Variants in BCAS3 observed in about 807,000 individuals in gnomAD.
BCAS3 encodes the protein BCAS3 microtubule associated cell migration factor.
In BCAS3, 53 loss-of-function variants were observed where a neutral mutation model predicts 116.1. That is an observed-to-expected ratio of 0.46 (90% confidence interval 0.37 to 0.57). The LOEUF (loss-of-function observed/expected upper bound fraction) is 0.57. BCAS3 is among the 20% of genes least tolerant of loss of function. The probability of loss-of-function intolerance (pLI) is 0.00; values close to 1 mark genes in which losing one functional copy is unlikely to be tolerated. For synonymous variants in BCAS3, 391 were observed against 408.2 expected, an observed-to-expected ratio of 0.96 and a Z score of 0.51; for missense variants, 917 against 1,165.4, an observed-to-expected ratio of 0.79 and a Z score of 3.10.
chr17:61,013,796 A>G lies in BCAS3; in HGVS notation c.1487-1955A>G, dbSNP rs982500125. On this transcript the variant is annotated intron_variant, in intron 15 of 23. Coordinates refer to ENST00000407086, the MANE Select transcript of BCAS3 (RefSeq NM_017679.5). This position sits in a 1 kb window ranked among gnomAD's most constrained non-coding sequence, Gnocchi z 4.4. ...TAGTTCTATAGAGTAATATAAAAGG[A>G]TAGATTTGTGTCCAAGGAAGAAGTA... 6.6e-6 allele frequency among the ~76,000 whole-genome samples: 1 copy of G among 152,144 alleles called. No homozygotes were observed. Among genetic ancestry groups the G allele is most frequent in the Admixed American group, 6.6e-5 (1 of 15,266 alleles).
At position 61,278,053 on chromosome 17, in the gene BCAS3, G is replaced by T. The variant is rs976885648; in HGVS notation, c.2426-90274G>T. ...GGTTTGTTTTGTTTTGTTTTGTTTT[G>T]TTTGACGGAGTCACACTGTGTAGCC... On this transcript the variant is annotated intron_variant, in intron 22 of 23. Coordinates refer to ENST00000407086, the MANE Select transcript of BCAS3 (RefSeq NM_017679.5). The surrounding 1 kb of genome is among the most constrained non-coding windows in gnomAD (Gnocchi z 5.8). Among the ~76,000 whole-genome samples, 1 of 152,092 alleles carries T rather than the reference G, an allele frequency of 6.6e-6. No homozygotes were observed. The highest frequency in any genetic ancestry group is 1.5e-5 in the Non-Finnish European group (1 of 68,008).
intron 5 of BCAS3, among the ~76,000 whole-genome samples, chr17:60,745,831 A>G (rs918276321): frequency 6.6e-6 from 1 of 152,144 alleles, no homozygotes. Context: ...TCATAAGCAA[A>G]ATGAATGTGA....
Position 61,095,069 on chromosome 17 carries a change from A to T in BCAS3, c.2425+10505A>T, listed in dbSNP as rs2073877990. 6.6e-6 allele frequency among the ~76,000 whole-genome samples: 1 copy of T among 152,238 alleles called. No individual in the cohort carries two copies. Among genetic ancestry groups the T allele is most frequent in the Non-Finnish European group, 1.5e-5 (1 of 68,036 alleles). ...TGAAAGTTAATTGATATAGTTTCAG[A>T]TTCCACATTGCAACTAATTTGTTAA... On this transcript the variant is annotated intron_variant, in intron 22 of 23. Transcript: ENST00000407086. The surrounding 1 kb of genome is among the most constrained non-coding windows in gnomAD (Gnocchi z 4.7).
Position 61,366,790 on chromosome 17 carries a change from C to T in BCAS3, c.2426-1537C>T, listed in dbSNP as rs2143498914. On this transcript the variant is annotated intron_variant, in intron 22 of 23. Coordinates refer to ENST00000407086, the MANE Select transcript of BCAS3 (RefSeq NM_017679.5). This position sits in a 1 kb window ranked among gnomAD's most constrained non-coding sequence, Gnocchi z 4.5. ...CTCCCAGTGCCAGGAATCTTCCCTA[C>T]AATTAGGTACGAGATAAATCAAAGC... Among the ~76,000 whole-genome samples the T allele has an allele frequency of 6.6e-6, 1 of 152,316 alleles. No individual in the cohort carries two copies. The highest frequency in any genetic ancestry group is 2.4e-5 in the African/African-American group (1 of 41,554).
At chr17:61,384,182 C>T (rs565139250) in intron 23 of BCAS3, among the ~76,000 whole-genome samples, 20 of 152,364 alleles carry the variant, frequency 1.3e-4, no homozygotes, top group African/African-American at 4.6e-4. Flanking sequence ...ACCTGCCATG[C>T]CCCTCGGCAC....
At chr17:61,163,756 G>A (rs925279363) in intron 22 of BCAS3, among the ~76,000 whole-genome samples, 3 of 151,988 alleles carry the variant, frequency 2.0e-5, no homozygotes, top group African/African-American at 7.3e-5. Context: ...GGAGGCCAAG[G>A]TGGGCAGATC....
intron 6 of BCAS3, among the ~76,000 whole-genome samples, chr17:60,806,531 G>A (rs1261982652): frequency 2.0e-5 from 3 of 151,734 alleles, no homozygotes; most frequent in Non-Finnish European, 4.4e-5. Context: ...TCATGTGTGA[G>A]GTTGAGCATT....
At chr17:60,686,789 G>C (rs1433968461) in intron 3 of BCAS3, among the ~76,000 whole-genome samples, 1 of 152,132 alleles carries the variant, frequency 6.6e-6, no homozygotes, top group East Asian at 1.9e-4. Context: ...GCCTCGCAAA[G>C]TTCTGGGATT....
At chr17:61,375,778 G>A (rs994690684) in intron 23 of BCAS3, among the ~76,000 whole-genome samples, 1 of 151,940 alleles carries the variant, frequency 6.6e-6, no homozygotes, top group African/African-American at 2.4e-5. Context: ...TCACCATGTT[G>A]GCCAGGCTGA....
Position 61,118,258 on chromosome 17 carries a change from C to T in BCAS3, c.2425+33694C>T, listed in dbSNP as rs1391956846. ...CTACTGTTACCACCCAATCAGGTTA[C>T]TACTTGGGAGAGATGGAAGTCCCGG... On this transcript the variant is annotated intron_variant, in intron 22 of 23. Transcript: ENST00000407086. This position sits in a 1 kb window ranked among gnomAD's most constrained non-coding sequence, Gnocchi z 5.0. 6.6e-6 allele frequency among the ~76,000 whole-genome samples: 1 copy of T among 152,154 alleles called. No individual in the cohort carries two copies. Among genetic ancestry groups the T allele is most frequent in the Non-Finnish European group, 1.5e-5 (1 of 68,022 alleles).
chr17:60,725,063 G>A (rs973921479), intron 5 of BCAS3, among the ~76,000 whole-genome samples: 22 of 152,042 alleles, frequency 1.4e-4, no homozygotes, highest in Middle Eastern at 3.2e-3. Flanking sequence ...ATTATGTTAC[G>A]CAGGCTGGCC....
rs869090870 is a variant in BCAS3 at position 61,059,063 on chromosome 17, C to CTTTTTTTTTTTTTTTTTTTTTTTTT, written c.2030-15844_2030-15820dup. Among the ~76,000 whole-genome samples the CTTTTTTTTTTTTTTTTTTTTTTTTT allele has an allele frequency of 4.0e-4, 13 of 32,780 alleles. 3 individuals are homozygous for CTTTTTTTTTTTTTTTTTTTTTTTTT. The highest frequency in any genetic ancestry group is 5.0e-4 in the Non-Finnish European group (8 of 15,842). 21.5% of individuals were successfully genotyped at this position (32,780 alleles called of 152,430 possible). Reference sequence around the variant, plus strand: ...TCCCCGAACTCTTTTTTCTCCCCATCTTTTTTTTTTTTTTTTTTTTTTTTT... The same window carrying CTTTTTTTTTTTTTTTTTTTTTTTTT: ...TCCCCGAACTCTTTTTTCTCCCCATCTTTTTTTTTTTTTTTTTTTTTTTTTTTTTTTTTTTTTTTTTTTTTTTTTT... On this transcript the variant is annotated intron_variant, in intron 19 of 23. Coordinates refer to ENST00000407086, the MANE Select transcript of BCAS3 (RefSeq NM_017679.5).
intron 6 of BCAS3, among the ~76,000 whole-genome samples, chr17:60,766,401 T>C (rs1383964901): frequency 6.6e-6 from 1 of 152,188 alleles, no homozygotes; most frequent in Admixed American, 6.5e-5. Flanking sequence ...TTGTTGATGT[T>C]GATGCTATTT....
chr17:60,828,361 A>G (rs1391197860), intron 7 of BCAS3, among the ~76,000 whole-genome samples: 1 of 152,196 alleles, frequency 6.6e-6, no homozygotes, highest in African/African-American at 2.4e-5. Flanking sequence ...GAGAACCATG[A>G]CAGTTTCTAC....
intron 14 of BCAS3, among the ~76,000 whole-genome samples, chr17:60,982,599 G>A (rs1163661363): frequency 6.6e-6 from 1 of 152,108 alleles, no homozygotes; most frequent in African/African-American, 2.4e-5. Context: ...TCTCTCTACT[G>A]TGGAGAATCT....
Position 60,818,096 on chromosome 17 carries a change from C to G in BCAS3, c.476+10020C>G, listed in dbSNP as rs1032919512. ...TCTTGAACTCCTGGGCTCAAGTGAT[C>G]CATCCGCCTTGGCCTCCCAAGGTGC... On this transcript the variant is annotated intron_variant, in intron 7 of 23. Transcript: ENST00000407086. 7.2e-5 allele frequency among the ~76,000 whole-genome samples: 11 copies of G among 152,094 alleles called. 1 individual carries two copies. Among genetic ancestry groups the G allele is most frequent in the Admixed American group, 3.9e-4 (6 of 15,256 alleles).
At position 61,368,270 on chromosome 17, in the gene BCAS3, A is replaced by G. The variant is rs1603101799; in HGVS notation, c.2426-57A>G. ...GAGGAGCGGGTGGGAGGTAGACAAG[A>G]ATGGCCTGCTCCCTGAAGGTGTGGA... On this transcript the variant is annotated intron_variant, in intron 22 of 23. Transcript: ENST00000407086. This position sits in a 1 kb window ranked among gnomAD's most constrained non-coding sequence, Gnocchi z 6.0. 1 of 1,524,670 alleles carries G rather than the reference A, an allele frequency of 6.6e-7. No homozygotes were observed. Among genetic ancestry groups the G allele is most frequent in the East Asian group, 2.3e-5 (1 of 43,752 alleles). The allele number at this position is 1,524,670 out of a possible 1,614,324, so 94.4% of individuals were successfully genotyped here.
intron 15 of BCAS3, among the ~76,000 whole-genome samples, chr17:61,014,089 T>G (rs987440800): frequency 2.6e-4 from 39 of 152,212 alleles, no homozygotes; most frequent in African/African-American, 9.4e-4. Context: ...TAAAAAAAAT[T>G]TATATGTGTG....
At chr17:61,253,068 G>T (rs954121353) in intron 22 of BCAS3, among the ~76,000 whole-genome samples, 2 of 151,186 alleles carry the variant, frequency 1.3e-5, no homozygotes, top group African/African-American at 2.4e-5. Context: ...TAGGGATGGG[G>T]TTCCACCATG....
Sources: gnomAD v4.1 joint callset for allele counts (sites outside exome capture counted in the v4.1 genomes callset) on GRCh38, gnomAD v4.1.1 for gene constraint, Gnocchi (gnomAD v3.1) non-coding constraint, MANE v1.5 for transcripts, NCBI Gene and HGNC (gene_info 2026-07-23, HGNC 2026-07-21) for gene names.